CTNNA3: variants seen among roughly 807,000 people sequenced by gnomAD.
The protein encoded by CTNNA3 is catenin alpha 3.
CTNNA3 carries 76 observed loss-of-function variants against 95.7 expected under a neutral mutation model. The ratio of observed to expected loss-of-function variants is 0.79; its 90% CI spans 0.66 to 0.96. The LOEUF (loss-of-function observed/expected upper bound fraction) is 0.96, where lower values mean the gene tolerates loss of function less well. Among genes scored for constraint, CTNNA3 ranks in the 40% least tolerant of loss-of-function variants. The pLI is 0.00. For synonymous variants in CTNNA3, 431 were observed against 374.4 expected, an observed-to-expected ratio of 1.15 and a Z score of -1.74; for missense variants, 1,191 against 1,089.8, an observed-to-expected ratio of 1.09 and a Z score of -1.31.
chr10:67,724,459 G>GT (rs1379922307), intron 1 of CTNNA3, among the ~76,000 whole-genome samples: 3 of 152,170 alleles, frequency 2.0e-5, no homozygotes, highest in East Asian at 3.8e-4. Context: ...CCGGGTGACA[G>GT]TATTTACACC....
chr10:66,478,078 A>G (rs568336849), intron 11 of CTNNA3, among the ~76,000 whole-genome samples: 128 of 152,254 alleles, frequency 8.4e-4, no homozygotes, highest in Non-Finnish European at 9.9e-4. Context: ...ATAATGCAAT[A>G]GATTCTTACA....
chr10:66,169,067 T>A (rs1199221704), intron 13 of CTNNA3, among the ~76,000 whole-genome samples: 1 of 152,184 alleles, frequency 6.6e-6, no homozygotes, highest in African/African-American at 2.4e-5. Flanking sequence ...TTTGTTGTTG[T>A]TGTTGTTACA....
At chr10:65,971,379 GT>G (rs57963750) in intron 16 of CTNNA3, among the ~76,000 whole-genome samples, 100 of 140,086 alleles carry the variant, frequency 7.1e-4, no homozygotes, top group East Asian at 2.5e-3. Context: ...CCAAAGTTGT[GT>G]TTTTTTTTTT....
At chr10:67,547,425 A>G (rs912362391) in intron 3 of CTNNA3, among the ~76,000 whole-genome samples, 1 of 152,236 alleles carries the variant, frequency 6.6e-6, no homozygotes, top group Non-Finnish European at 1.5e-5. Flanking sequence ...GTTAAGTAAT[A>G]AAGTAGAATT....
intron 7 of CTNNA3, among the ~76,000 whole-genome samples, chr10:67,086,425 C>A (rs1249567456): frequency 6.6e-6 from 1 of 151,970 alleles, no homozygotes; most frequent in East Asian, 1.9e-4. Context: ...AAGAGAAATT[C>A]AATGCTTATC....
At chr10:67,327,606 G>C (rs1428305698) in intron 5 of CTNNA3, among the ~76,000 whole-genome samples, 2 of 152,178 alleles carry the variant, frequency 1.3e-5, no homozygotes, top group Non-Finnish European at 2.9e-5. Context: ...TCACTGGGGA[G>C]GTGGGGGAGA....
intron 7 of CTNNA3, among the ~76,000 whole-genome samples, chr10:67,094,516 T>G (rs983932287): frequency 6.6e-5 from 10 of 151,844 alleles, no homozygotes; most frequent in African/African-American, 2.4e-4. Context: ...ATTCTATACC[T>G]AAATCACTTG....
chr10:66,346,838 C>A (rs941404154), intron 12 of CTNNA3, among the ~76,000 whole-genome samples: 1 of 151,840 alleles, frequency 6.6e-6, no homozygotes, highest in East Asian at 1.9e-4. Context: ...AGAGTTGTAA[C>A]CAAGTGTGAA....
chr10:67,492,502 C>T (rs1404383051), intron 5 of CTNNA3, among the ~76,000 whole-genome samples: 2 of 152,142 alleles, frequency 1.3e-5, no homozygotes, highest in African/African-American at 2.4e-5. Context: ...TTATTGAGTG[C>T]CACTTAATAT....
intron 1 of CTNNA3, among the ~76,000 whole-genome samples, chr10:67,745,516 G>C (rs1010533912): frequency 1.4e-5 from 2 of 145,228 alleles, no homozygotes; most frequent in Non-Finnish European, 3.0e-5. Flanking sequence ...TTGTGGGGTG[G>C]GGGGGAGGGG....
chr10:66,418,205 C>G (rs1217613858), intron 11 of CTNNA3, among the ~76,000 whole-genome samples: 1 of 149,452 alleles, frequency 6.7e-6, no homozygotes, highest in Non-Finnish European at 1.5e-5. Context: ...ACTGATACAA[C>G]AGAAATACAA....
chr10:66,134,112 G>A (rs2083245823), intron 13 of CTNNA3, among the ~76,000 whole-genome samples: 1 of 151,956 alleles, frequency 6.6e-6, no homozygotes, highest in African/African-American at 2.4e-5. Context: ...TCGACAACAT[G>A]CAACTCCGAT....
rs148026654 is a variant in CTNNA3 at position 67,060,873 on chromosome 10, T to C, written c.1047+119444A>G. The stretch of plus-strand genomic sequence containing the variant: ...ACATTTTTGTTTTAAGCTATGACTT[T>C]AACTAGTTTTTTTAAATTGTTTTTG... On this transcript the variant is annotated intron_variant, in intron 7 of 17. Coordinates refer to ENST00000433211, the MANE Select transcript of CTNNA3 (RefSeq NM_013266.4). 9.8e-5 allele frequency among the ~76,000 whole-genome samples: 15 copies of C among 152,318 alleles called. No individual in the cohort carries two copies. The East Asian group carries it at 2.9e-3, about 29-fold the overall frequency.
intron 5 of CTNNA3, among the ~76,000 whole-genome samples, chr10:67,356,047 C>A (rs544253304): frequency 6.6e-6 from 1 of 152,040 alleles, no homozygotes; most frequent in Non-Finnish European, 1.5e-5. Flanking sequence ...ACAGGAAACC[C>A]AAAGTTCCTG....
intron 7 of CTNNA3, among the ~76,000 whole-genome samples, chr10:67,145,145 T>A (rs1326558861): frequency 1.3e-5 from 2 of 152,180 alleles, no homozygotes; most frequent in Non-Finnish European, 2.9e-5. Flanking sequence ...CTGTCCCCCA[T>A]GGGCATGTTC....
intron 13 of CTNNA3, among the ~76,000 whole-genome samples, chr10:66,124,040 G>A (rs2082708769): frequency 6.6e-6 from 1 of 152,158 alleles, no homozygotes; most frequent in Admixed American, 6.5e-5. Flanking sequence ...GCAAATTTCT[G>A]CAGCTGGCTT....
intron 2 of CTNNA3, among the ~76,000 whole-genome samples, chr10:67,635,571 C>T (rs1424358125): frequency 1.3e-5 from 2 of 152,122 alleles, no homozygotes; most frequent in African/African-American, 4.8e-5. Flanking sequence ...ACAAAAACCA[C>T]ATGATTATCT....
chr10:67,393,856 G>T (rs938377540), intron 5 of CTNNA3, among the ~76,000 whole-genome samples: 5 of 152,136 alleles, frequency 3.3e-5, no homozygotes, highest in African/African-American at 1.2e-4. Context: ...ATCTTCCAGA[G>T]TGCTTATTAG....
rs570747041 is a variant in CTNNA3 at position 67,006,528 on chromosome 10, A to T, written c.1047+173789T>A. 2.2e-4 allele frequency among the ~76,000 whole-genome samples: 25 copies of T among 111,192 alleles called. No individual in the cohort carries two copies. The South Asian group carries it at 8.1e-3, about 36-fold the overall frequency. 72.9% of individuals were successfully genotyped at this position (111,192 alleles called of 152,430 possible). On this transcript the variant is annotated intron_variant, in intron 7 of 17. Transcript: ENST00000433211. ...AGCTTTTTCCTGGGACAAATCCCCC[A>T]GATGTTTTCTATTCTCTTATAACTT...
Sources: gnomAD v4.1 joint callset for allele counts (sites outside exome capture counted in the v4.1 genomes callset) on GRCh38, gnomAD v4.1.1 for gene constraint, MANE v1.5 for transcripts, NCBI Gene and HGNC (gene_info 2026-07-23, HGNC 2026-07-21) for gene names.